Variants in IRS2 observed in about 807,000 individuals in gnomAD.
IRS2 encodes the protein insulin receptor substrate 2.
Under a neutral mutation model 70.9 loss-of-function variants are expected in IRS2, and 28 were observed. That is an observed-to-expected ratio of 0.39 (90% CI 0.29 to 0.54). IRS2 has a LOEUF of 0.54. Ranked by LOEUF, IRS2 falls within the 20% of genes least tolerant of loss-of-function variation. The pLI, the probability that IRS2 is intolerant of heterozygous loss-of-function variation, is 0.59. For synonymous variants in IRS2, 1,217 were observed against 981.9 expected (o/e 1.24, Z -4.48); for missense variants, 2,081 against 2,024.1 (o/e 1.03, Z -0.54).
At chr13:109,757,217 T>C (rs1351642891) in intron 1 of IRS2, among the ~76,000 whole-genome samples, 1 of 152,234 alleles carries the variant, frequency 6.6e-6, no homozygotes, top group Non-Finnish European at 1.5e-5. Context: ...TGTTTTCTTC[T>C]TTCTAAGCTT....
At chr13:109,775,230 TG>T (rs1877547507) in intron 1 of IRS2, among the ~76,000 whole-genome samples, 1 of 151,392 alleles carries the variant, frequency 6.6e-6, no homozygotes, top group African/African-American at 2.4e-5. Context: ...GTGATTCTCC[TG>T]CCTCAGCCTC....
chr13:109,777,504 T>G (rs746070135), intron 1 of IRS2, among the ~76,000 whole-genome samples: 2 of 152,156 alleles, frequency 1.3e-5, no homozygotes, highest in African/African-American at 4.8e-5. Flanking sequence ...TTTTGGGTGG[T>G]AGAAAAACAA....
intron 1 of IRS2, among the ~76,000 whole-genome samples, chr13:109,767,802 G>A (rs749525416): frequency 1.3e-4 from 19 of 144,324 alleles, no homozygotes; most frequent in Non-Finnish European, 2.1e-4. Flanking sequence ...GTGCAATCTC[G>A]GCTCGCTGCA....
chr13:109,768,204 G>C (rs1221114446), intron 1 of IRS2, among the ~76,000 whole-genome samples: 2 of 152,130 alleles, frequency 1.3e-5, no homozygotes, highest in Non-Finnish European at 2.9e-5. Flanking sequence ...TCAAGAATTA[G>C]GTCCTCTTTC....
intron 1 of IRS2, among the ~76,000 whole-genome samples, chr13:109,756,717 G>C (rs991959069): frequency 9.2e-5 from 14 of 152,188 alleles, no homozygotes; most frequent in African/African-American, 2.9e-4. Flanking sequence ...GGGATACACA[G>C]AATCCACTTG....
chr13:109,773,457 G>A (rs1032382745), intron 1 of IRS2, among the ~76,000 whole-genome samples: 3 of 152,168 alleles, frequency 2.0e-5, no homozygotes, highest in South Asian at 2.1e-4. Flanking sequence ...AGCAGTGACC[G>A]AATGCACCCG....
Position 109,783,717 on chromosome 13 carries a change from G to A in IRS2, c.2337C>T (p.Thr779=). 1 of 1,574,342 alleles carries A rather than the reference G, an allele frequency of 6.4e-7. No individual in the cohort carries two copies. The highest frequency in any genetic ancestry group is 8.6e-7 in the Non-Finnish European group (1 of 1,160,090). ...VSPSDAVTTG[T]PPDFFSAALH... Reference sequence around the variant, plus strand: ...GGGCTGCGGAGAAGAAGTCGGGCGGGGTGCCCGTGGTGACCGCGTCGCTGG... The same window carrying A: ...GGGCTGCGGAGAAGAAGTCGGGCGGAGTGCCCGTGGTGACCGCGTCGCTGG... Residue 779 remains threonine (T), a synonymous_variant, in exon 1 of 2, where the codon ACC becomes ACT. Transcript: ENST00000375856.
At position 109,755,962 on chromosome 13, in the gene IRS2, AAAG is replaced by A. The variant is rs1394537605; in HGVS notation, c.*339_*341del. ...GGTTATATCTGCTTTGCCAAAAGGA[AAAG>A]AAGAAGAAATTAAAAGACACTGGCC... On this transcript the variant is annotated 3_prime_UTR_variant, in exon 2 of 2. Transcript: ENST00000375856. The A allele has an allele frequency of 1.0e-5, 4 of 392,520 alleles. No homozygotes were observed. The highest frequency in any genetic ancestry group is 4.0e-5 in the African/African-American group (2 of 50,318). 24.3% of individuals were successfully genotyped at this position (392,520 alleles called of 1,614,324 possible).
Position 109,785,353 on chromosome 13 carries a change from T to C in IRS2, c.701A>G (p.Glu234Gly), listed in dbSNP as rs1877885161. The C allele has an allele frequency of 1.9e-6, 3 of 1,612,030 alleles. No individual in the cohort carries two copies. Among genetic ancestry groups the C allele is most frequent in the Non-Finnish European group, 2.5e-6 (3 of 1,179,744 alleles). Reference protein sequence around the residue: ...RTIGFVKLNCEQPSVTLQLMN... With the variant: ...RTIGFVKLNCGQPSVTLQLMN... ...GAGCTGCAGCGTCACCGACGGCTGCTCGCAGTTGAGCTTCACGAAGCCGAT... is the reference window on the plus strand; with the variant it reads ...GAGCTGCAGCGTCACCGACGGCTGCCCGCAGTTGAGCTTCACGAAGCCGAT... The change falls in exon 1 of 2, where the codon GAG becomes GGG. Residue 234 changes from glutamate to glycine, a missense_variant. Glu to Gly is a moderately conservative substitution (Grantham distance 98). This residue lies in a region of IRS2 where 320 missense variants were observed against 352.9 expected (regional missense o/e 0.91). Transcript: ENST00000375856. The surrounding 1 kb of genome is among the most constrained non-coding windows in gnomAD (Gnocchi z 9.3).
chr13:109,753,998 A>G lies in IRS2; in HGVS notation c.*2306T>C, dbSNP rs1364290331. On this transcript the variant is annotated 3_prime_UTR_variant, in exon 2 of 2. Coordinates refer to ENST00000375856, the MANE Select transcript of IRS2 (RefSeq NM_003749.3). ...ATATACAGCGTGTACAGTGGAAGAC[A>G]GAGCAAGATAAGTTAAGTCTCTTGT... 4.3e-6 allele frequency: 1 copy of G among 232,056 alleles called. No individual in the cohort carries two copies. The highest frequency in any genetic ancestry group is 2.2e-5 in the African/African-American group (1 of 45,286). The allele number at this position is 232,056 out of a possible 1,614,324, so 14.4% of individuals were successfully genotyped here.
rs763264747 is a variant in IRS2 at position 109,782,767 on chromosome 13, G to A, written c.3287C>T (p.Ala1096Val). 2.7e-5 allele frequency: 44 copies of A among 1,602,790 alleles called. No individual in the cohort carries two copies. Among genetic ancestry groups the A allele is most frequent in the Non-Finnish European group, 3.5e-5 (41 of 1,175,424 alleles). The change falls in exon 1 of 2, where the codon GCC becomes GTC. Residue 1096 changes from alanine (A) to valine (V), a missense_variant. Physicochemically the swap from Ala to Val is moderately conservative, Grantham distance 64. This residue lies in a region of IRS2 where 1,615 missense variants were observed against 1,459.5 expected (regional missense o/e 1.11). Transcript: ENST00000375856. ...GCCCGACGTCGGGCTGGCCACGCGGGCAGCTTCTGGCTTCGGGGGGGCCGC... is the reference window on the plus strand; with the variant it reads ...GCCCGACGTCGGGCTGGCCACGCGGACAGCTTCTGGCTTCGGGGGGGCCGC... The part of the protein sequence containing the change: ...PIAAPPKPEA[A>V]RVASPTSGVK...
chr13:109,767,728 CTTTTTTTTTTT>C (rs748211544), intron 1 of IRS2, among the ~76,000 whole-genome samples: 2 of 119,786 alleles, frequency 1.7e-5, no homozygotes, highest in South Asian at 2.6e-4. Flanking sequence ...ACCATTTTTC[CTTTTTTTTTTT>C]TTTTTTTTTT....
rs528088142 is a variant in IRS2, at chr13:109,784,173, G to A, written c.1881C>T (p.Pro627=). Residue 627 remains proline (P), a synonymous_variant, in exon 1 of 2, where the codon CCC becomes CCT. Coordinates refer to ENST00000375856, the MANE Select transcript of IRS2 (RefSeq NM_003749.3). The surrounding 1 kb of genome is among the most constrained non-coding windows in gnomAD (Gnocchi z 5.2). ...CGATGTCTCCGTAGTCCTCTGGGTA[G>A]GGGTGGTAGGCCACCTTGGGAGAGG... ...PASSPKVAYH[P]YPEDYGDIEI... 8.9e-6 allele frequency: 14 copies of A among 1,581,314 alleles called. No homozygotes were observed. The highest frequency in any genetic ancestry group is 1.2e-5 in the Non-Finnish European group (14 of 1,166,872).
At position 109,784,029 on chromosome 13, in the gene IRS2, G is replaced by A. The variant is rs1423298672; in HGVS notation, c.2025C>T (p.Tyr675=). ...SGSGSCRSDD[Y]MPMSPASVSA... is the part of the protein sequence containing the mutation. ...ACACGCTGGCGGGGCTCATGGGCAT[G>A]TAGTCGTCGCTCCTGCAGCTGCCGC... Residue 675 remains tyrosine, a synonymous_variant, in exon 1 of 2, where the codon TAC becomes TAT. Coordinates refer to ENST00000375856, the MANE Select transcript of IRS2 (RefSeq NM_003749.3). The surrounding 1 kb of genome is among the most constrained non-coding windows in gnomAD (Gnocchi z 5.2). 6.5e-7 allele frequency: 1 copy of A among 1,540,232 alleles called. No individual in the cohort carries two copies. The highest frequency in any genetic ancestry group is 1.4e-5 in the African/African-American group (1 of 73,398).
At chr13:109,775,598 G>A (rs1877554227) in intron 1 of IRS2, among the ~76,000 whole-genome samples, 1 of 152,052 alleles carries the variant, frequency 6.6e-6, no homozygotes, top group Non-Finnish European at 1.5e-5. Context: ...TCAAGTATTT[G>A]TACTAACTGT....
At position 109,784,889 on chromosome 13, in the gene IRS2, G is replaced by A. The variant is rs1245478155; in HGVS notation, c.1165C>T (p.Pro389Ser). 9 of 1,091,608 alleles carry A rather than the reference G, an allele frequency of 8.2e-6. No homozygotes were observed. Among genetic ancestry groups the A allele is most frequent in the Non-Finnish European group, 1.0e-5 (9 of 897,486 alleles). The allele number at this position is 1,091,608 out of a possible 1,614,324, so 67.6% of individuals were successfully genotyped here. ...GARPVSVAGS[P>S]LSPGPVRAPL... ...GCGCGCACCGGCCCGGGGCTCAGGG[G>A]GCTCCCAGCCACCGACACCGGCCTG... The change falls in exon 1 of 2, where the codon CCC becomes TCC. Residue 389 changes from proline (P) to serine (S), a missense_variant. Pro to Ser is a moderately conservative substitution (Grantham distance 74). Transcript: ENST00000375856. The surrounding 1 kb of genome is among the most constrained non-coding windows in gnomAD (Gnocchi z 5.2).
At position 109,752,871 on chromosome 13, in the gene IRS2, T is replaced by C. The variant is rs1374834719; in HGVS notation, c.*3433A>G. 2 of 152,190 alleles carry C rather than the reference T, an allele frequency of 1.3e-5. No individual in the cohort carries two copies. The highest frequency in any genetic ancestry group is 4.8e-5 in the African/African-American group (2 of 41,438). 9.4% of individuals were successfully genotyped at this position (152,190 alleles called of 1,614,324 possible). ...TTCTGCTTCCTGAATTGCATTTTCC[T>C]GGATCTGATGATTTTCTTCTTTGTA... On this transcript the variant is annotated 3_prime_UTR_variant, in exon 2 of 2. Transcript: ENST00000375856.
At position 109,782,788 on chromosome 13, in the gene IRS2, G is replaced by C; in HGVS notation, c.3266C>G (p.Ala1089Gly). The C allele has an allele frequency of 6.2e-7, 1 of 1,603,646 alleles. No individual in the cohort carries two copies. Among genetic ancestry groups the C allele is most frequent in the Admixed American group, 1.7e-5 (1 of 59,048 alleles). The change falls in exon 1 of 2, where the codon GCC becomes GGC. Residue 1089 changes from alanine to glycine, a missense_variant. By Grantham distance (60) the Ala-to-Gly change is moderately conservative. Coordinates refer to ENST00000375856, the MANE Select transcript of IRS2 (RefSeq NM_003749.3). ...VAATPPQPIA[A>G]PPKPEAARVA... ...GCGGGCAGCTTCTGGCTTCGGGGGG[G>C]CCGCGATAGGTTGCGGCGGGGTGGC... is the stretch of plus-strand genomic sequence containing the variant.
Position 109,782,233 on chromosome 13 carries a change from G to T in IRS2, c.3821C>A (p.Pro1274Gln). The T allele has an allele frequency of 6.3e-7, 1 of 1,596,764 alleles. No individual in the cohort carries two copies. The highest frequency in any genetic ancestry group is 8.5e-7 in the Non-Finnish European group (1 of 1,171,376). The stretch of plus-strand genomic sequence containing the variant: ...GCTCTTGTCTCCCGGCTGAGGAAGC[G>T]GCGGCGGCGGCGGCTGCGGCTGGGG... ...LPPQPQPPPP[P>Q]LPQPGDKSSW... Residue 1274 changes from proline (P) to glutamine (Q), a missense_variant, in exon 1 of 2, where the codon CCG becomes CAG. Transcript: ENST00000375856.
Sources: gnomAD v4.1 joint callset for allele counts (sites outside exome capture counted in the v4.1 genomes callset) on GRCh38, gnomAD v4.1.1 for gene constraint, gnomAD v4.1.1 regional missense constraint, Gnocchi (gnomAD v3.1) non-coding constraint, MANE v1.5 for transcripts, NCBI Gene and HGNC (gene_info 2026-07-23, HGNC 2026-07-21) for gene names.